Variants in DHRSX observed in about 807,000 individuals in gnomAD.
The protein encoded by DHRSX is polyprenol dehydrogenase.
In DHRSX, 31 loss-of-function variants were observed where a neutral mutation model predicts 34.0. That is an observed-to-expected ratio of 0.91 (90% CI 0.69 to 1.23). The LOEUF (loss-of-function observed/expected upper bound fraction) is 1.23. Ranked by LOEUF, DHRSX falls within the 50% of genes most tolerant of loss-of-function variation. The pLI, the probability that DHRSX is intolerant of heterozygous loss-of-function variation, is 0.00. For synonymous variants in DHRSX, 201 were observed against 183.8 expected (o/e 1.09, Z -0.76); for missense variants, 414 against 428.1 (o/e 0.97, Z 0.29).
intron 3 of DHRSX, among the ~76,000 whole-genome samples, chrX:2,363,737 T>TTTTATCACTGTTCTATGGTATCATGCC (rs2042966823): frequency 1.3e-5 from 1 of 75,094 alleles, no homozygotes; most frequent in African/African-American, 3.9e-5. Context: ...GGTATCATGC[T>TTTTATCACTGTTCTATGGTATCATGCC]TCCATTTTAT....
At chrX:2,344,354 C>T (rs2042675124) in intron 3 of DHRSX, among the ~76,000 whole-genome samples, 1 of 152,106 alleles carries the variant, frequency 6.6e-6, no homozygotes, top group South Asian at 2.1e-4. Context: ...ACGAGAGATG[C>T]TGGAGAGGAT....
At position 2,220,918 on chromosome X, in the gene DHRSX, AGAG is replaced by A. The variant is rs372168829; in HGVS notation, c.*120_*122del. 425 of 871,656 alleles carry A rather than the reference AGAG, an allele frequency of 4.9e-4. 1 individual carries two copies. In the African/African-American group the frequency reaches 6.2e-3, roughly 13 times the overall value. 54.0% of individuals were successfully genotyped at this position (871,656 alleles called of 1,614,324 possible). A position where few individuals can be genotyped will look rare whatever the true frequency, so the allele number is the denominator to read the frequency against. Reference sequence around the variant, plus strand: ...AGGTTGAGGCAGCTGTCTCAAAACTAGAGGACAGAGCCCTGTGGGCAGGTGGGT... The same window carrying A: ...AGGTTGAGGCAGCTGTCTCAAAACTAGACAGAGCCCTGTGGGCAGGTGGGT... On this transcript the variant is annotated 3_prime_UTR_variant, in exon 7 of 7. Coordinates refer to ENST00000334651, the MANE Select transcript of DHRSX (RefSeq NM_145177.3).
At chrX:2,370,932 C>T (rs2043051008) in intron 3 of DHRSX, among the ~76,000 whole-genome samples, 1 of 152,114 alleles carries the variant, frequency 6.6e-6, no homozygotes, top group Non-Finnish European at 1.5e-5. Context: ...ATCGAACGAC[C>T]CCAATCACGG....
At chrX:2,400,507 G>C (rs1569497300) in intron 3 of DHRSX, among the ~76,000 whole-genome samples, 1 of 152,124 alleles carries the variant, frequency 6.6e-6, no homozygotes, top group Non-Finnish European at 1.5e-5. Flanking sequence ...TCCCAGTCAT[G>C]TGTCACAGGT....
chrX:2,356,199 A>T (rs1432848925), intron 3 of DHRSX, among the ~76,000 whole-genome samples: 2 of 152,080 alleles, frequency 1.3e-5, no homozygotes, highest in African/African-American at 4.8e-5. Context: ...AACATGGTGA[A>T]ACACTGTCAT....
At chrX:2,320,445 C>A (rs1287449148) in intron 3 of DHRSX, among the ~76,000 whole-genome samples, 3 of 126,958 alleles carry the variant, frequency 2.4e-5, no homozygotes, top group Non-Finnish European at 3.4e-5. Context: ...CAGACACGCA[C>A]CACTACACCT....
At chrX:2,352,695 A>G (rs779197573) in intron 3 of DHRSX, among the ~76,000 whole-genome samples, 87 of 152,274 alleles carry the variant, frequency 5.7e-4, no homozygotes, top group African/African-American at 1.9e-3. Context: ...CGGCGTCTTC[A>G]GGGGATACAG....
chrX:2,403,959 C>T (rs2043521658), intron 3 of DHRSX, among the ~76,000 whole-genome samples: 1 of 151,608 alleles, frequency 6.6e-6, no homozygotes, highest in African/African-American at 2.4e-5. Flanking sequence ...ATCATTGTTT[C>T]TTGGCTGTCA....
chrX:2,411,261 C>A (rs750920797), intron 2 of DHRSX, among the ~76,000 whole-genome samples: 68 of 152,008 alleles, frequency 4.5e-4, no homozygotes, highest in African/African-American at 1.5e-3. Context: ...TCAAAGGGTG[C>A]GGCCGGGTGC....
rs144754242 is a variant in DHRSX at position 2,309,144 on chromosome X, T to C, written c.287-17541A>G. Among the ~76,000 whole-genome samples the C allele has an allele frequency of 3.0e-3, 455 of 152,176 alleles. 3 individuals are homozygous for C. Among genetic ancestry groups the C allele is most frequent in the African/African-American group, 0.01 (429 of 41,526 alleles). On this transcript the variant is annotated intron_variant, in intron 3 of 6. Coordinates refer to ENST00000334651, the MANE Select transcript of DHRSX (RefSeq NM_145177.3). ...AGGAAATTAGGTCTAATCAGACCAA[T>C]AGCTATAAGAAAAATAGAGAAGAAT...
intron 3 of DHRSX, among the ~76,000 whole-genome samples, chrX:2,345,280 G>T (rs1405316600): frequency 7.2e-5 from 11 of 152,052 alleles, no homozygotes; most frequent in Middle Eastern, 3.4e-3. Flanking sequence ...GATAAATATC[G>T]AAATCAGGAG....
intron 3 of DHRSX, among the ~76,000 whole-genome samples, chrX:2,398,525 C>T (rs1454983774): frequency 3.3e-5 from 5 of 152,026 alleles, no homozygotes; most frequent in Admixed American, 2.6e-4. Flanking sequence ...GGAAACGCAC[C>T]GACTATCTGG....
chrX:2,332,816 G>T, intron 3 of DHRSX, among the ~76,000 whole-genome samples: 1 of 152,280 alleles, frequency 6.6e-6, no homozygotes, highest in Admixed American at 6.5e-5. Flanking sequence ...ATCTGATTTG[G>T]CCAGGAATGT....
At chrX:2,363,834 C>T (rs2042968365) in intron 3 of DHRSX, among the ~76,000 whole-genome samples, 1 of 152,014 alleles carries the variant, frequency 6.6e-6, no homozygotes, top group South Asian at 2.1e-4. Flanking sequence ...AATAATAACA[C>T]ATCAGCATCG....
At position 2,396,375 on chromosome X, in the gene DHRSX, C is replaced by CTTTTTTTTTTT. The variant is rs1204243041; in HGVS notation, c.286+12359_286+12369dup. ...TGTGTTTGATGCTTTCTTTCTTTTT[C>CTTTTTTTTTTT]TTTTTTTTTTTTTTTTTTTTGAGAC... On this transcript the variant is annotated intron_variant, in intron 3 of 6. Coordinates refer to ENST00000334651, the MANE Select transcript of DHRSX (RefSeq NM_145177.3). 4.3e-3 allele frequency among the ~76,000 whole-genome samples: 423 copies of CTTTTTTTTTTT among 99,190 alleles called. 4 individuals are homozygous for CTTTTTTTTTTT. The highest frequency in any genetic ancestry group is 5.8e-3 in the Non-Finnish European group (310 of 53,124). 65.1% of individuals were successfully genotyped at this position (99,190 alleles called of 152,430 possible). A position where few individuals can be genotyped will look rare whatever the true frequency, so the allele number is the denominator to read the frequency against.
intron 3 of DHRSX, among the ~76,000 whole-genome samples, chrX:2,379,906 C>T (rs960252794): frequency 1.3e-5 from 2 of 151,948 alleles, no homozygotes; most frequent in African/African-American, 2.4e-5. Context: ...CCAACACACT[C>T]GTCAACACAT....
At chrX:2,369,615 GCCT>G (rs1260875133) in intron 3 of DHRSX, among the ~76,000 whole-genome samples, 1 of 152,086 alleles carries the variant, frequency 6.6e-6, no homozygotes, top group Non-Finnish European at 1.5e-5. Flanking sequence ...CCCTGCCTCA[GCCT>G]CCTAAGTAGC....
intron 1 of DHRSX, among the ~76,000 whole-genome samples, chrX:2,427,215 C>A (rs1200805582): frequency 6.6e-6 from 1 of 152,160 alleles, no homozygotes; most frequent in Non-Finnish European, 1.5e-5. Context: ...GTCTAGCAGG[C>A]CTGGGATATT....
chrX:2,458,630 C>T (rs1237747997), intron 1 of DHRSX, among the ~76,000 whole-genome samples: 8 of 151,820 alleles, frequency 5.3e-5, no homozygotes, highest in East Asian at 1.9e-4. Context: ...AAAAGCTGAA[C>T]GCATAAACGC....
Sources: gnomAD v4.1 joint callset for allele counts (sites outside exome capture counted in the v4.1 genomes callset) on GRCh38, gnomAD v4.1.1 for gene constraint, MANE v1.5 for transcripts, NCBI Gene and HGNC (gene_info 2026-07-23, HGNC 2026-07-21) for gene names.